Variants in PCDHGB4 observed in about 807,000 individuals in gnomAD.
PCDHGB4 encodes protocadherin gamma subfamily B, 4, also known as protocadherin gamma-B4.
A neutral mutation model predicts 60.5 loss-of-function variants in PCDHGB4; 38 were observed. The observed-to-expected ratio is 0.63, with a 90% CI of 0.48 to 0.82. The LOEUF is 0.82. PCDHGB4 is among the 40% of genes least tolerant of loss of function. PCDHGB4 has a pLI of 0.00. For synonymous variants in PCDHGB4, 456 were observed against 509.7 expected (o/e 0.89, Z 1.42); for missense variants, 1,109 against 1,209.6 (o/e 0.92, Z 1.23).
chr5:141,414,290 T>G (rs781378958), intron 1 of PCDHGB4: 5 of 1,613,154 alleles, frequency 3.1e-6, no homozygotes, highest in Non-Finnish European at 4.2e-6. Context: ...GTCGTAGCCC[T>G]TTTAAATGTG....
Position 141,490,330 on chromosome 5 carries a change from C to T in PCDHGB4, c.2398-4477C>T, listed in dbSNP as rs2099698666. ...GGCCAACCCTGTCCTAGAGAGCACA[C>T]CAGTGGGCACAGTAGTGGGGTTGTT... is the stretch of plus-strand genomic sequence containing the variant. On this transcript the variant is annotated intron_variant, in intron 1 of 3. Transcript: ENST00000519479. The surrounding 1 kb of genome is among the most constrained non-coding windows in gnomAD (Gnocchi z 5.4). 6.2e-7 allele frequency: 1 copy of T among 1,614,080 alleles called. No individual in the cohort carries two copies. Among genetic ancestry groups the T allele is most frequent in the Non-Finnish European group, 8.5e-7 (1 of 1,180,042 alleles).
rs2099705703 is a variant in PCDHGB4, at chr5:141,490,886, C to A, written c.2398-3921C>A. On this transcript the variant is annotated intron_variant, in intron 1 of 3. Transcript: ENST00000519479. This position sits in a 1 kb window ranked among gnomAD's most constrained non-coding sequence, Gnocchi z 5.4. The stretch of plus-strand genomic sequence containing the variant: ...TCTCCCCCATTGCATGCCAACACAT[C>A]TCTGCATGTGTTTGTCCTAGACGAG... The A allele has an allele frequency of 6.2e-7, 1 of 1,613,406 alleles. No homozygotes were observed. Among genetic ancestry groups the A allele is most frequent in the East Asian group, 2.2e-5 (1 of 44,878 alleles).
intron 1 of PCDHGB4, chr5:141,479,247 C>A (rs1428944159): frequency 6.6e-6 from 1 of 152,084 alleles, no homozygotes; most frequent in Non-Finnish European, 1.5e-5. Flanking sequence ...CAAAGATAAC[C>A]ATTTTTAATT....
rs182905441 is a variant in PCDHGB4, at chr5:141,450,871, C to A, written c.2398-43936C>A. Among the ~76,000 whole-genome samples, 581 of 149,672 alleles carry A rather than the reference C, an allele frequency of 3.9e-3. 6 individuals carry two copies. Among genetic ancestry groups the A allele is most frequent in the Admixed American group, 0.011 (168 of 14,998 alleles). ...ATGGGGTCTTGCTCTGTCACCCAGGCTGGTGTGCAGTGGTGCGATATCGGC... is the reference window on the plus strand; with the variant it reads ...ATGGGGTCTTGCTCTGTCACCCAGGATGGTGTGCAGTGGTGCGATATCGGC... On this transcript the variant is annotated intron_variant, in intron 1 of 3. Coordinates refer to ENST00000519479, the MANE Select transcript of PCDHGB4 (RefSeq NM_003736.4).
intron 1 of PCDHGB4, chr5:141,427,741 C>T (rs748636652): frequency 8.1e-7 from 1 of 1,240,376 alleles, no homozygotes; most frequent in Non-Finnish European, 1.2e-6. Context: ...GGCCAAGTCT[C>T]CTACTCCATC....
chr5:141,478,454 A>T, intron 1 of PCDHGB4: 1 of 1,613,596 alleles, frequency 6.2e-7, no homozygotes. Flanking sequence ...TGGTGCAGCC[A>T]GTCCACTGGC....
rs752412467 is a variant in PCDHGB4 at position 141,405,390 on chromosome 5, TTTTC to T, written c.2397+15121_2397+15124del. On this transcript the variant is annotated intron_variant, in intron 1 of 3. Transcript: ENST00000519479. ...CCTTTGGTTCCGGTGAGTTCATTTTTTTTCTTTCTTTCTTTTCTTTTTTTGTTTT... is the reference window on the plus strand; with the variant it reads ...CCTTTGGTTCCGGTGAGTTCATTTTTTTTCTTTCTTTTCTTTTTTTGTTTT... 1.6e-5 allele frequency: 26 copies of T among 1,600,118 alleles called. No homozygotes were observed. The East Asian group carries it at 1.8e-4, about 11-fold the overall frequency.
chr5:141,478,612 G>A (rs1311028260), intron 1 of PCDHGB4: 2 of 1,558,218 alleles, frequency 1.3e-6, no homozygotes, highest in African/African-American at 1.4e-5. Flanking sequence ...TATTGAGGAA[G>A]GAATGGAGCT....
intron 1 of PCDHGB4, among the ~76,000 whole-genome samples, chr5:141,481,994 A>AG (rs2099550091): frequency 1.3e-5 from 2 of 151,258 alleles, no homozygotes; most frequent in African/African-American, 4.9e-5. Context: ...TTGAAGCAGG[A>AG]GAATCGCTTT....
At chr5:141,478,862 C>A in intron 1 of PCDHGB4, 1 of 1,326,032 alleles carries the variant, frequency 7.5e-7, no homozygotes, top group Non-Finnish European at 1.0e-6. Context: ...AAGATCTCAG[C>A]GATCAGAGTT....
Position 141,487,315 on chromosome 5 carries a change from G to T in PCDHGB4, c.2398-7492G>T, listed in dbSNP as rs568326280. 11 of 1,614,166 alleles carry T rather than the reference G, an allele frequency of 6.8e-6. No individual in the cohort carries two copies. In the South Asian group the frequency reaches 1.2e-4, roughly 18 times the overall value. ...GCTCATTCGTGGCACTACTCTCTAA[G>T]TGTCTTCGTGGGGCAGCCTGTGGAG... On this transcript the variant is annotated intron_variant, in intron 1 of 3. Transcript: ENST00000519479. The surrounding 1 kb of genome is among the most constrained non-coding windows in gnomAD (Gnocchi z 5.0).
chr5:141,392,970 G>A (rs2092639280), intron 1 of PCDHGB4: 1 of 1,613,778 alleles, frequency 6.2e-7, no homozygotes, highest in Non-Finnish European at 8.5e-7. Flanking sequence ...CAAGGACCTG[G>A]GGCTGGACCC....
At chr5:141,404,319 C>T in intron 1 of PCDHGB4, 3 of 1,613,900 alleles carry the variant, frequency 1.9e-6, no homozygotes, top group East Asian at 4.5e-5. Context: ...TCTCAAGCCT[C>T]CTACTCAGTC....
In PCDHGB4 at chr5:141,393,293, G is replaced by A. The variant is rs774531655; in HGVS notation, c.2397+3012G>A. On this transcript the variant is annotated intron_variant, in intron 1 of 3. Coordinates refer to ENST00000519479, the MANE Select transcript of PCDHGB4 (RefSeq NM_003736.4). ...ATCCACTCCCAGAAGCTGTTGACCC[G>A]GATGTGGGCGTGAACTCCCTCCAGA... 6.2e-6 allele frequency: 10 copies of A among 1,613,918 alleles called. No homozygotes were observed. The Admixed American group carries it at 8.3e-5, about 13-fold the overall frequency.
chr5:141,489,208 C>A lies in PCDHGB4; in HGVS notation c.2398-5599C>A. On this transcript the variant is annotated intron_variant, in intron 1 of 3. Coordinates refer to ENST00000519479, the MANE Select transcript of PCDHGB4 (RefSeq NM_003736.4). The surrounding 1 kb of genome is among the most constrained non-coding windows in gnomAD (Gnocchi z 4.5). The stretch of plus-strand genomic sequence containing the variant: ...GGTCTACCTTGGAGACAGGACAGCA[C>A]AGACTTACTCTCCACAAAGGGACTT... 1 of 1,451,152 alleles carries A rather than the reference C, an allele frequency of 6.9e-7. No individual in the cohort carries two copies. The highest frequency in any genetic ancestry group is 9.3e-7 in the Non-Finnish European group (1 of 1,072,112). 89.9% of individuals were successfully genotyped at this position (1,451,152 alleles called of 1,614,324 possible).
chr5:141,429,896 A>G (rs1307950556), intron 1 of PCDHGB4, among the ~76,000 whole-genome samples: 1 of 152,346 alleles, frequency 6.6e-6, no homozygotes, highest in South Asian at 2.1e-4. Flanking sequence ...TGAACAATAA[A>G]TATTTTTGAA....
At chr5:141,507,932 G>C (rs2099865030) in intron 3 of PCDHGB4, 1 of 152,338 alleles carries the variant, frequency 6.6e-6, no homozygotes, top group Admixed American at 6.5e-5. Context: ...TGCTGAGAGG[G>C]GTTAAGTAAG....
At chr5:141,505,300 G>A in intron 2 of PCDHGB4, 93 bp from the exon 3 acceptor site, 1 of 1,589,042 alleles carries the variant, frequency 6.3e-7, no homozygotes, top group South Asian at 1.1e-5. Flanking sequence ...GGTAGGGTTA[G>A]GGTACTAGGT....
At chr5:141,428,312 C>A in intron 1 of PCDHGB4, 1 of 671,484 alleles carries the variant, frequency 1.5e-6, no homozygotes, top group Non-Finnish European at 2.7e-6. Flanking sequence ...CTGGTCGTGG[C>A]CTTGGCCTTG....
Sources: allele counts gnomAD v4.1 joint callset (sites outside exome capture counted in the v4.1 genomes callset), GRCh38; gene constraint gnomAD v4.1.1; non-coding constraint Gnocchi (gnomAD v3.1); transcripts MANE v1.5; gene names NCBI Gene and HGNC (gene_info 2026-07-23, HGNC 2026-07-21).